The following KIFAP3 variants were observed in gnomAD, a reference collection of about 807,000 sequenced individuals.
KIFAP3 encodes the protein kinesin-associated protein 3.
A neutral mutation model predicts 106.5 loss-of-function variants in KIFAP3; 68 were observed. The ratio of observed to expected loss-of-function variants is 0.64; its 90% CI spans 0.53 to 0.78. The LOEUF is 0.78. Among genes scored for constraint, KIFAP3 ranks in the 30% least tolerant of loss-of-function variants. The pLI is 0.00. For missense variants in KIFAP3, 780 were observed against 941.8 expected (o/e 0.83, Z 2.25); for synonymous variants, 320 against 311.5 (o/e 1.03, Z -0.29).
At chr1:169,970,045 T>C (rs1571580524) in intron 17 of KIFAP3, among the ~76,000 whole-genome samples, 1 of 152,062 alleles carries the variant, frequency 6.6e-6, no homozygotes, top group South Asian at 2.1e-4. Flanking sequence ...GATACAAATC[T>C]AATTGAGTTT....
chr1:170,038,986 G>C (rs1357886888), intron 4 of KIFAP3, among the ~76,000 whole-genome samples: 1 of 152,198 alleles, frequency 6.6e-6, no homozygotes, highest in Non-Finnish European at 1.5e-5. Context: ...AGGAGGCTGA[G>C]GCAGGAAAAT....
chr1:169,971,532 C>T (rs1466149767), intron 17 of KIFAP3, among the ~76,000 whole-genome samples: 3 of 151,900 alleles, frequency 2.0e-5, no homozygotes, highest in African/African-American at 7.3e-5. Flanking sequence ...GTAATGGATA[C>T]TTAGTCAAAT....
At chr1:169,988,343 T>C (rs796780739) in intron 11 of KIFAP3, among the ~76,000 whole-genome samples, 10 of 152,050 alleles carry the variant, frequency 6.6e-5, no homozygotes, top group Non-Finnish European at 8.8e-5. Context: ...CTTTAATATA[T>C]GTAATTAATG....
intron 1 of KIFAP3, among the ~76,000 whole-genome samples, chr1:170,059,706 A>G (rs890995062): frequency 1.3e-5 from 2 of 152,164 alleles, no homozygotes; most frequent in Non-Finnish European, 2.9e-5. Context: ...TGGCAGAGAC[A>G]CAACAAAAAA....
intron 19 of KIFAP3, among the ~76,000 whole-genome samples, chr1:169,940,900 G>GT (rs1399281048): frequency 1.3e-5 from 2 of 150,830 alleles, no homozygotes; most frequent in East Asian, 4.0e-4. Flanking sequence ...AGTTGCACTT[G>GT]TTTAAGAATT....
chr1:170,049,892 G>A (rs982231926), intron 2 of KIFAP3, among the ~76,000 whole-genome samples: 4 of 151,236 alleles, frequency 2.6e-5, no homozygotes, highest in Non-Finnish European at 4.4e-5. Context: ...AAAAAAACCA[G>A]CGCAAAAATG....
At chr1:170,005,614 A>G (rs188532798) in intron 10 of KIFAP3, among the ~76,000 whole-genome samples, 35 of 149,924 alleles carry the variant, frequency 2.3e-4, no homozygotes, top group African/African-American at 7.6e-4. Flanking sequence ...AGTACAAAAA[A>G]CCAAAGACTG....
At chr1:170,038,545 A>G (rs1343190728) in intron 4 of KIFAP3, 114 bp from the exon 5 acceptor site, 2 of 1,073,510 alleles carry the variant, frequency 1.9e-6, no homozygotes, top group Admixed American at 5.4e-5. Flanking sequence ...AAATTTCCAA[A>G]GAACTCATAG....
intron 19 of KIFAP3, among the ~76,000 whole-genome samples, chr1:169,936,471 T>C (rs1013329108): frequency 6.6e-6 from 1 of 151,856 alleles, no homozygotes; most frequent in Non-Finnish European, 1.5e-5. Context: ...AAAGAAGTAA[T>C]TAAACACTAG....
intron 8 of KIFAP3, among the ~76,000 whole-genome samples, chr1:170,025,335 A>G (rs2102025459): frequency 6.6e-6 from 1 of 152,226 alleles, no homozygotes; most frequent in Admixed American, 6.5e-5. Context: ...TGAGCTTCAG[A>G]GTTCAATTTC....
intron 1 of KIFAP3, among the ~76,000 whole-genome samples, chr1:170,083,755 T>C (rs1425266841): frequency 6.6e-6 from 1 of 152,198 alleles, no homozygotes; most frequent in African/African-American, 2.4e-5. Flanking sequence ...CCCTTATTAA[T>C]TATATGACTC....
chr1:169,986,681 T>C (rs922842589), intron 11 of KIFAP3, among the ~76,000 whole-genome samples: 4 of 152,058 alleles, frequency 2.6e-5, no homozygotes, highest in African/African-American at 9.7e-5. Context: ...GACAATCCTC[T>C]AATTAATTGC....
At chr1:169,975,281 A>G (rs1193778589) in intron 16 of KIFAP3, among the ~76,000 whole-genome samples, 1 of 152,114 alleles carries the variant, frequency 6.6e-6, no homozygotes, top group Non-Finnish European at 1.5e-5. Flanking sequence ...AATATTTTAA[A>G]TATCTGAATA....
intron 1 of KIFAP3, among the ~76,000 whole-genome samples, chr1:170,056,852 G>A (rs1027749373): frequency 6.6e-6 from 1 of 151,834 alleles, no homozygotes; most frequent in Non-Finnish European, 1.5e-5. Flanking sequence ...AAGACATATA[G>A]GACAAGTAAA....
chr1:170,034,824 C>T (rs765002384), intron 6 of KIFAP3, among the ~76,000 whole-genome samples: 1 of 151,824 alleles, frequency 6.6e-6, no homozygotes, highest in Admixed American at 6.6e-5. Context: ...CAATACTAGA[C>T]ATACATTTTA....
rs544803239 is a variant in KIFAP3, at chr1:170,047,575, C to T, written c.165-709G>A. Among the ~76,000 whole-genome samples, 159 of 140,722 alleles carry T rather than the reference C, an allele frequency of 1.1e-3. 1 individual carries two copies. Among genetic ancestry groups the T allele is most frequent in the South Asian group, 2.3e-3 (10 of 4,384 alleles). The allele number at this position is 140,722 out of a possible 152,430, so 92.3% of individuals were successfully genotyped here. The stretch of plus-strand genomic sequence containing the variant: ...GGCAGAGGTTGCAGTGAGCTGAGAT[C>T]GCACCATTGTACTCCAGCCTGTGTG... On this transcript the variant is annotated intron_variant, in intron 2 of 19. Transcript: ENST00000361580.
At chr1:170,056,874 G>A (rs1670877378) in intron 1 of KIFAP3, among the ~76,000 whole-genome samples, 1 of 152,004 alleles carries the variant, frequency 6.6e-6, no homozygotes, top group Non-Finnish European at 1.5e-5. Flanking sequence ...AATGAAAACA[G>A]AAGCCAGGGA....
At chr1:169,997,639 G>A (rs1667431051) in intron 10 of KIFAP3, among the ~76,000 whole-genome samples, 1 of 152,034 alleles carries the variant, frequency 6.6e-6, no homozygotes, top group Non-Finnish European at 1.5e-5. Context: ...GGGAGGCTGA[G>A]GCATGTGGAT....
chr1:170,028,892 G>T (rs1224425557), intron 8 of KIFAP3, among the ~76,000 whole-genome samples: 1 of 151,672 alleles, frequency 6.6e-6, no homozygotes, highest in Non-Finnish European at 1.5e-5. Flanking sequence ...AAATAAAATA[G>T]AATTTAAAAA....
Sources: gnomAD v4.1 joint callset for allele counts (sites outside exome capture counted in the v4.1 genomes callset) on GRCh38, gnomAD v4.1.1 for gene constraint, MANE v1.5 for transcripts, NCBI Gene and HGNC (gene_info 2026-07-23, HGNC 2026-07-21) for gene names.